Variants in AFF3 observed in about 807,000 individuals in gnomAD.
AFF3 encodes the protein AF4/FMR2 family member 3.
In AFF3, 32 loss-of-function variants were observed where a neutral mutation model predicts 129.7. That is an observed-to-expected ratio of 0.25 (90% CI 0.19 to 0.33). The LOEUF is 0.33. Among genes scored for constraint, AFF3 ranks in the 10% least tolerant of loss-of-function variants. The pLI is 1.00. For missense variants in AFF3, 1,373 were observed against 1,592.0 expected, an observed-to-expected ratio of 0.86 and a Z score of 2.34; for synonymous variants, 644 against 635.4, an observed-to-expected ratio of 1.01 and a Z score of -0.20.
chr2:99,764,832 A>G (rs950387155), intron 8 of AFF3, among the ~76,000 whole-genome samples: 38 of 152,116 alleles, frequency 2.5e-4, no homozygotes, highest in African/African-American at 8.2e-4. Flanking sequence ...GACACCTGCT[A>G]GTTTCTGGCA....
At chr2:99,749,977 T>C (rs192588781) in intron 9 of AFF3, among the ~76,000 whole-genome samples, 4 of 152,168 alleles carry the variant, frequency 2.6e-5, no homozygotes, top group Non-Finnish European at 4.4e-5. Flanking sequence ...TTACTGACCA[T>C]TGAAAAGAAG....
intron 10 of AFF3, among the ~76,000 whole-genome samples, chr2:99,737,456 A>C (rs1390989911): frequency 6.7e-6 from 1 of 149,734 alleles, no homozygotes. Context: ...TTTTTTTTGC[A>C]AGATACACAA....
At chr2:100,010,653 T>C (rs887263406) in intron 4 of AFF3, among the ~76,000 whole-genome samples, 1 of 152,196 alleles carries the variant, frequency 6.6e-6, no homozygotes, top group Non-Finnish European at 1.5e-5. Context: ...AGCGCTAACA[T>C]CACGATCACT....
intron 4 of AFF3, among the ~76,000 whole-genome samples, chr2:100,032,374 A>G (rs1684569022): frequency 2.0e-5 from 3 of 152,048 alleles, no homozygotes. Context: ...GGCTGCAGTG[A>G]GCCGAGACTG....
chr2:99,872,634 TA>T (rs1441355020), intron 7 of AFF3, among the ~76,000 whole-genome samples: 1 of 151,664 alleles, frequency 6.6e-6, no homozygotes, highest in South Asian at 2.1e-4. Flanking sequence ...TAAAATAAAA[TA>T]AAATAAAATA....
At chr2:99,578,501 C>A in intron 17 of AFF3, 50 bp from the exon 18 acceptor site, 1 of 1,603,774 alleles carries the variant, frequency 6.2e-7, no homozygotes, top group Non-Finnish European at 8.5e-7. Context: ...CCTGGTGAAG[C>A]GAGCAGCCCA....
Position 99,931,149 on chromosome 2 carries a change from A to C in AFF3, c.873+75483T>G, listed in dbSNP as rs1247344960. 1.3e-5 allele frequency among the ~76,000 whole-genome samples: 2 copies of C among 152,232 alleles called. 1 individual carries two copies. Among genetic ancestry groups the C allele is most frequent in the East Asian group, 3.9e-4 (2 of 5,192 alleles). On this transcript the variant is annotated intron_variant, in intron 7 of 24. Coordinates refer to ENST00000672756, the MANE Select transcript of AFF3 (RefSeq NM_001386135.1). ...TGTGACAAAAATTAGCAAAATGATG[A>C]AATAAATGTAAGGACCCCCTTCCCA...
intron 11 of AFF3, among the ~76,000 whole-genome samples, chr2:99,719,325 C>T (rs1678678340): frequency 6.6e-6 from 1 of 152,100 alleles, no homozygotes; most frequent in Non-Finnish European, 1.5e-5. Flanking sequence ...ACATTATTTT[C>T]ATGCGTCACT....
At chr2:99,915,343 AT>A (rs1695403454) in intron 7 of AFF3, among the ~76,000 whole-genome samples, 1 of 152,186 alleles carries the variant, frequency 6.6e-6, no homozygotes, top group Non-Finnish European at 1.5e-5. Context: ...CATTTACGTA[AT>A]TTAAGACACA....
At chr2:99,927,803 C>A (rs1437190512) in intron 7 of AFF3, among the ~76,000 whole-genome samples, 1 of 152,094 alleles carries the variant, frequency 6.6e-6, no homozygotes, top group Non-Finnish European at 1.5e-5. Context: ...TACTGAGAGG[C>A]CCCAGAGCAC....
chr2:100,081,550 C>A (rs1689052963), intron 4 of AFF3, among the ~76,000 whole-genome samples: 1 of 152,118 alleles, frequency 6.6e-6, no homozygotes, highest in Middle Eastern at 3.2e-3. Flanking sequence ...ACCTGCACCC[C>A]CTCATCATCT....
intron 4 of AFF3, among the ~76,000 whole-genome samples, chr2:100,055,374 C>T (rs1350162805): frequency 6.6e-6 from 1 of 151,528 alleles, no homozygotes; most frequent in African/African-American, 2.4e-5. Flanking sequence ...AGATGGCACA[C>T]ACGCCCTTGC....
chr2:100,139,388 A>T (rs1167176399), intron 1 of AFF3, among the ~76,000 whole-genome samples: 2 of 152,196 alleles, frequency 1.3e-5, no homozygotes, highest in African/African-American at 4.8e-5. Flanking sequence ...ATTAAGTGCC[A>T]TATGATAGAG....
chr2:99,885,898 C>A (rs936386663), intron 7 of AFF3, among the ~76,000 whole-genome samples: 6 of 152,202 alleles, frequency 3.9e-5, no homozygotes, highest in Non-Finnish European at 8.8e-5. Context: ...CACCTACCTT[C>A]TCTTACTACA....
chr2:99,724,368 G>A (rs1015783661), intron 11 of AFF3, among the ~76,000 whole-genome samples: 1 of 139,424 alleles, frequency 7.2e-6, no homozygotes, highest in Non-Finnish European at 1.5e-5. Flanking sequence ...CGCCTCCTAG[G>A]TTCAAGCAAT....
intron 7 of AFF3, among the ~76,000 whole-genome samples, chr2:99,993,886 A>G: frequency 7.5e-6 from 1 of 132,562 alleles, no homozygotes; most frequent in East Asian, 2.2e-4. Context: ...GCTCATTGCA[A>G]CCTCCACCTC....
At chr2:99,662,903 T>C (rs1438480333) in intron 12 of AFF3, among the ~76,000 whole-genome samples, 3 of 152,156 alleles carry the variant, frequency 2.0e-5, no homozygotes, top group Non-Finnish European at 4.4e-5. Flanking sequence ...ACAAGCACAA[T>C]GATTCTATTT....
At position 99,624,658 on chromosome 2, in the gene AFF3, CA is replaced by C. The variant is rs200059595; in HGVS notation, c.1185-23038del. Among the ~76,000 whole-genome samples the C allele has an allele frequency of 6.1e-3, 933 of 152,312 alleles. 7 individuals carry two copies. The highest frequency in any genetic ancestry group is 0.021 in the African/African-American group (871 of 41,570). On this transcript the variant is annotated intron_variant, in intron 13 of 24. Coordinates refer to ENST00000672756, the MANE Select transcript of AFF3 (RefSeq NM_001386135.1). ...AATAGAAAAATCTCCTCAGCCTCAT[CA>C]CAGACGTGCACATAGGTCAGGAATT...
chr2:99,777,885 C>T (rs1347533014), intron 8 of AFF3, among the ~76,000 whole-genome samples: 2 of 134,746 alleles, frequency 1.5e-5, no homozygotes, highest in South Asian at 2.4e-4. Flanking sequence ...GCCCTGGGAG[C>T]GCAGGCTCAG....
Sources: gnomAD v4.1 joint callset for allele counts (sites outside exome capture counted in the v4.1 genomes callset) on GRCh38, gnomAD v4.1.1 for gene constraint, MANE v1.5 for transcripts, NCBI Gene and HGNC (gene_info 2026-07-23, HGNC 2026-07-21) for gene names.